NCAPD2: variants seen among roughly 807,000 people sequenced by gnomAD.
The protein encoded by NCAPD2 is non-SMC condensin I complex subunit D2.
Under a neutral mutation model 164.5 loss-of-function variants are expected in NCAPD2, and 100 were observed. The observed-to-expected ratio is 0.61, with a 90% CI of 0.52 to 0.72. The LOEUF (loss-of-function observed/expected upper bound fraction) is 0.72. Among genes scored for constraint, NCAPD2 ranks in the 30% least tolerant of loss-of-function variants. NCAPD2 has a pLI of 0.00. For missense variants in NCAPD2, 1,560 were observed against 1,749.2 expected (o/e 0.89, Z 1.93); for synonymous variants, 585 against 642.6 (o/e 0.91, Z 1.36).
intron 13 of NCAPD2, among the ~76,000 whole-genome samples, chr12:6,519,694 G>A (rs1946246760): frequency 6.6e-6 from 1 of 151,938 alleles, no homozygotes; most frequent in Non-Finnish European, 1.5e-5. Context: ...TTAACTATGT[G>A]TCTCAGTGGT....
chr12:6,507,596 T>C (rs1438475831), intron 2 of NCAPD2, among the ~76,000 whole-genome samples: 1 of 152,130 alleles, frequency 6.6e-6, no homozygotes, highest in Non-Finnish European at 1.5e-5. Context: ...CTGAACTTTC[T>C]TTAGATAAGG....
intron 2 of NCAPD2, among the ~76,000 whole-genome samples, chr12:6,509,428 A>G (rs554167616): frequency 7.9e-5 from 12 of 151,758 alleles, no homozygotes; most frequent in African/African-American, 2.9e-4. Context: ...CACCCAGCCA[A>G]TTTTTTGTAT....
At position 6,503,185 on chromosome 12, in the gene NCAPD2, G is replaced by A. The variant is rs904944910; in HGVS notation, c.128-6532G>A. On this transcript the variant is annotated intron_variant, in intron 2 of 31. Coordinates refer to ENST00000315579, the MANE Select transcript of NCAPD2 (RefSeq NM_014865.4). The stretch of plus-strand genomic sequence containing the variant: ...AGGTTTCTAATACACTTACTGTAAT[G>A]CTAAATTTTAAAAAGCATGACAGAG... 3.3e-5 allele frequency among the ~76,000 whole-genome samples: 5 copies of A among 151,998 alleles called. No homozygotes were observed. The East Asian group carries it at 5.8e-4, about 18-fold the overall frequency.
chr12:6,511,833 A>G (rs1946150817), intron 6 of NCAPD2, among the ~76,000 whole-genome samples: 1 of 151,618 alleles, frequency 6.6e-6, no homozygotes, highest in African/African-American at 2.4e-5. Flanking sequence ...AAAATATGAA[A>G]ATTAGCTGTG....
At chr12:6,526,705 A>C in intron 21 of NCAPD2, 90 bp downstream of exon 21, 1 of 1,518,606 alleles carries the variant, frequency 6.6e-7, no homozygotes. Flanking sequence ...TATCTGCAAC[A>C]ACCCTTAGTG....
At chr12:6,508,875 T>C (rs1946120843) in intron 2 of NCAPD2, among the ~76,000 whole-genome samples, 1 of 152,114 alleles carries the variant, frequency 6.6e-6, no homozygotes, top group African/African-American at 2.4e-5. Context: ...GCTGTAATCT[T>C]ACGAAAATAC....
intron 6 of NCAPD2, among the ~76,000 whole-genome samples, chr12:6,512,302 GAT>G (rs1405897556): frequency 6.8e-6 from 1 of 147,438 alleles, no homozygotes; most frequent in Non-Finnish European, 1.5e-5. Context: ...AAGATAGATA[GAT>G]AGATAGACAG....
chr12:6,515,923 G>A (rs1192582595), intron 9 of NCAPD2, among the ~76,000 whole-genome samples: 1 of 152,168 alleles, frequency 6.6e-6, no homozygotes, highest in Admixed American at 6.6e-5. Flanking sequence ...CAGGTGTGGT[G>A]GCTCACGCCT....
In NCAPD2 at chr12:6,514,535, A is replaced by C. The variant is rs970529615; in HGVS notation, c.787A>C (p.Ser263Arg). The C allele has an allele frequency of 3.1e-6, 5 of 1,614,212 alleles. No homozygotes were observed. The African/African-American group carries it at 6.7e-5, about 22-fold the overall frequency. Residue 263 changes from serine to arginine, a missense_variant, in exon 8 of 32, where the codon AGT (serine) becomes CGT (arginine). Physicochemically the swap from Ser to Arg is moderately radical, Grantham distance 110. Coordinates refer to ENST00000315579, the MANE Select transcript of NCAPD2 (RefSeq NM_014865.4). ...GGCACCTGTACTGGTTGCAGCCGTG[A>C]GTCTATGGGCAACTGACTATGGAAT... ...HLAPVLVAAV[S>R]LWATDYGMKS...
In NCAPD2 at chr12:6,531,586, A is replaced by T; in HGVS notation, c.*174A>T. On this transcript the variant is annotated 3_prime_UTR_variant, in exon 32 of 32. Coordinates refer to ENST00000315579, the MANE Select transcript of NCAPD2 (RefSeq NM_014865.4). This position sits in a 1 kb window ranked among gnomAD's most constrained non-coding sequence, Gnocchi z 4.1. Reference sequence around the variant, plus strand: ...TTTGCGATACCAAGGCGGGTGGATAACCTGAGGTAGGGAGTTCGAGACCAG... The same window carrying T: ...TTTGCGATACCAAGGCGGGTGGATATCCTGAGGTAGGGAGTTCGAGACCAG... 1 of 1,362,384 alleles carries T rather than the reference A, an allele frequency of 7.3e-7. No individual in the cohort carries two copies. The highest frequency in any genetic ancestry group is 1.0e-6 in the Non-Finnish European group (1 of 1,003,514). 84.4% of individuals were successfully genotyped at this position (1,362,384 alleles called of 1,614,324 possible). A position where few individuals can be genotyped will look rare whatever the true frequency, so the allele number is the denominator to read the frequency against.
intron 13 of NCAPD2, among the ~76,000 whole-genome samples, chr12:6,518,513 T>TTTTTG (rs1565544157): frequency 9.5e-6 from 1 of 105,296 alleles, no homozygotes; most frequent in African/African-American, 4.0e-5. Flanking sequence ...AGTTTTTTTT[T>TTTTTG]TTTTTTTTTT....
At chr12:6,530,442 T>C (rs1388993282) in intron 29 of NCAPD2, among the ~76,000 whole-genome samples, 1 of 152,230 alleles carries the variant, frequency 6.6e-6, no homozygotes, top group African/African-American at 2.4e-5. Context: ...CAGAAGAGTT[T>C]CACTGCCTTA....
intron 2 of NCAPD2, among the ~76,000 whole-genome samples, chr12:6,506,567 G>T (rs1207366752): frequency 1.3e-5 from 2 of 151,668 alleles, no homozygotes; most frequent in Admixed American, 1.3e-4. Context: ...TCCAGCCTGG[G>T]CGACAGAGAG....
intron 5 of NCAPD2, 65 bp from the exon 6 acceptor site, chr12:6,511,041 TCAGA>T: frequency 6.5e-7 from 1 of 1,540,954 alleles, no homozygotes; most frequent in South Asian, 1.2e-5. Flanking sequence ...GTTTGGGCAC[TCAGA>T]CTGACAGATC....
intron 2 of NCAPD2, among the ~76,000 whole-genome samples, chr12:6,498,774 A>AT (rs150221708): frequency 0.19 from 29,578 of 151,862 alleles, 3,160 homozygotes; most frequent in Non-Finnish European, 0.24. Context: ...CACCCAGCTA[A>AT]TTTTTTGTAT....
rs1403312630 is a variant in NCAPD2, at chr12:6,517,379, A to G, written c.1200A>G (p.Thr400=). 2 of 1,614,134 alleles carry G rather than the reference A, an allele frequency of 1.2e-6. No individual in the cohort carries two copies. The highest frequency in any genetic ancestry group is 1.7e-5 in the Admixed American group (1 of 60,016). The change falls in exon 11 of 32, where the codon ACA becomes ACG. Residue 400 remains threonine, a synonymous_variant. Transcript: ENST00000315579. Reference sequence around the variant, plus strand: ...ACCCTACACAGGCTCTCCCCCTGACACGTTTCCAGGCAGTGGTGGCTTTAG... The same window carrying G: ...ACCCTACACAGGCTCTCCCCCTGACGCGTTTCCAGGCAGTGGTGGCTTTAG... ...RIVQQKALPL[T]RFQAVVALAV... is the part of the protein sequence containing the mutation.
intron 30 of NCAPD2, 42 bp downstream of exon 30, chr12:6,530,859 T>A: frequency 1.9e-6 from 3 of 1,613,814 alleles, no homozygotes; most frequent in Non-Finnish European, 2.5e-6. Context: ...GACTGGGCCC[T>A]CCCCTCCTGC....
intron 2 of NCAPD2, among the ~76,000 whole-genome samples, chr12:6,499,452 G>A (rs1055660792): frequency 1.3e-5 from 2 of 151,918 alleles, no homozygotes; most frequent in Admixed American, 6.6e-5. Flanking sequence ...CAGTGGCAAG[G>A]TATCGGCTCA....
At chr12:6,522,689 A>C (rs1317850693) in intron 15 of NCAPD2, 139 bp from the exon 16 acceptor site, 8 of 882,858 alleles carry the variant, frequency 9.1e-6, no homozygotes, top group Non-Finnish European at 1.8e-6. Flanking sequence ...ATGATAAGGC[A>C]TCATAGGAGG....
Sources: gnomAD v4.1 joint callset for allele counts (sites outside exome capture counted in the v4.1 genomes callset) on GRCh38, gnomAD v4.1.1 for gene constraint, Gnocchi (gnomAD v3.1) non-coding constraint, MANE v1.5 for transcripts, NCBI Gene and HGNC (gene_info 2026-07-23, HGNC 2026-07-21) for gene names.